The following GRIK4 variants were observed in gnomAD, a reference collection of about 807,000 sequenced individuals.
The protein encoded by GRIK4 is glutamate ionotropic receptor kainate type subunit 4, also known as glutamate receptor ionotropic, kainate 4.
A neutral mutation model predicts 104.9 loss-of-function variants in GRIK4; 40 were observed. That is an observed-to-expected ratio of 0.38 (90% CI 0.30 to 0.50). The LOEUF is 0.50. GRIK4 is among the 20% of genes least tolerant of loss of function. GRIK4 has a pLI of 0.93. For missense variants in GRIK4, 1,047 were observed against 1,308.1 expected (o/e 0.80, Z 3.08); for synonymous variants, 485 against 524.9 (o/e 0.92, Z 1.04).
chr11:120,801,488 A>T (rs769740146), intron 3 of GRIK4, among the ~76,000 whole-genome samples: 11 of 152,252 alleles, frequency 7.2e-5, no homozygotes, highest in Admixed American at 1.3e-4. Flanking sequence ...CAGCCTTCCA[A>T]AGTGTTGGGA....
chr11:120,783,589 G>T (rs1278365809), intron 3 of GRIK4, among the ~76,000 whole-genome samples: 2 of 152,034 alleles, frequency 1.3e-5, no homozygotes, highest in Non-Finnish European at 2.9e-5. Context: ...AATTGCGTGG[G>T]CTCCACTAAA....
chr11:120,512,941 G>A (rs2136066878), intron 1 of GRIK4, among the ~76,000 whole-genome samples: 1 of 152,296 alleles, frequency 6.6e-6, no homozygotes, highest in Non-Finnish European at 1.5e-5. Flanking sequence ...GGGGCAATGC[G>A]GGCCGAGCCA....
intron 11 of GRIK4, among the ~76,000 whole-genome samples, chr11:120,890,079 C>G (rs1955240955): frequency 6.6e-6 from 1 of 152,172 alleles, no homozygotes; most frequent in Admixed American, 6.5e-5. Flanking sequence ...CTCCTGACTT[C>G]TGGCCGGCTG....
chr11:120,844,219 T>C (rs1195737579), intron 8 of GRIK4, among the ~76,000 whole-genome samples: 1 of 152,172 alleles, frequency 6.6e-6, no homozygotes, highest in East Asian at 1.9e-4. Context: ...TTTCACTCCT[T>C]GCTTTGGTGA....
intron 3 of GRIK4, among the ~76,000 whole-genome samples, chr11:120,768,676 T>C (rs1361994052): frequency 1.3e-5 from 2 of 152,198 alleles, no homozygotes; most frequent in Non-Finnish European, 2.9e-5. Flanking sequence ...TAGCTATGGG[T>C]TTTTAATACA....
chr11:120,606,576 G>GTATTAAGTA (rs1948966124), intron 1 of GRIK4, among the ~76,000 whole-genome samples: 2 of 152,210 alleles, frequency 1.3e-5, no homozygotes, highest in Admixed American at 1.3e-4. Context: ...GGCAACTGAG[G>GTATTAAGTA]TTTAAGAAGC....
intron 3 of GRIK4, among the ~76,000 whole-genome samples, chr11:120,694,207 C>A (rs547089828): frequency 6.6e-6 from 1 of 152,116 alleles, no homozygotes; most frequent in African/African-American, 2.4e-5. Flanking sequence ...ACAGAAAGCA[C>A]GAGAGCAGAT....
chr11:120,913,482 A>C (rs991379895), intron 13 of GRIK4, among the ~76,000 whole-genome samples: 1 of 151,468 alleles, frequency 6.6e-6, no homozygotes, highest in Non-Finnish European at 1.5e-5. Flanking sequence ...TGCATTTTCC[A>C]TCCTCAGGGC....
At chr11:120,957,496 T>C (rs764915416) in intron 16 of GRIK4, among the ~76,000 whole-genome samples, 3 of 152,084 alleles carry the variant, frequency 2.0e-5, no homozygotes, top group Non-Finnish European at 4.4e-5. Context: ...ATTCAATGTG[T>C]GGGAAAGCTC....
intron 1 of GRIK4, among the ~76,000 whole-genome samples, chr11:120,518,541 T>C (rs761047488): frequency 6.6e-6 from 1 of 152,128 alleles, no homozygotes; most frequent in Admixed American, 6.5e-5. Context: ...TTTAAGTCAC[T>C]TGTCCAAGCA....
chr11:120,571,959 G>C (rs1039406071), intron 1 of GRIK4, among the ~76,000 whole-genome samples: 1 of 152,228 alleles, frequency 6.6e-6, no homozygotes, highest in Admixed American at 6.5e-5. Context: ...TCCTGTCTAT[G>C]TCAGCTGGAG....
At chr11:120,517,374 A>G (rs1947742185) in intron 1 of GRIK4, among the ~76,000 whole-genome samples, 1 of 148,676 alleles carries the variant, frequency 6.7e-6, no homozygotes, top group Non-Finnish European at 1.5e-5. Context: ...CCTTGGTGCG[A>G]TCCTCTCCTG....
intron 20 of GRIK4, among the ~76,000 whole-genome samples, chr11:120,983,346 C>T (rs1944683777): frequency 6.6e-6 from 1 of 152,202 alleles, no homozygotes; most frequent in African/African-American, 2.4e-5. Context: ...TCTCCATCAC[C>T]TCACTCCCGA....
intron 3 of GRIK4, among the ~76,000 whole-genome samples, chr11:120,732,263 C>G (rs1951145081): frequency 6.6e-6 from 1 of 152,160 alleles, no homozygotes; most frequent in Non-Finnish European, 1.5e-5. Flanking sequence ...TCCCAAGTAG[C>G]TGGGACTACA....
chr11:120,764,047 C>T (rs963252976), intron 3 of GRIK4, among the ~76,000 whole-genome samples: 2 of 151,938 alleles, frequency 1.3e-5, no homozygotes, highest in African/African-American at 2.4e-5. Context: ...AGTGGAGTGT[C>T]GAAGTCTCCC....
Position 120,891,310 on chromosome 11 carries a change from T to A in GRIK4, c.1165-7222T>A, listed in dbSNP as rs546201551. Among the ~76,000 whole-genome samples, 6 of 152,322 alleles carry A rather than the reference T, an allele frequency of 3.9e-5. No individual in the cohort carries two copies. In the South Asian group the frequency reaches 1.2e-3, roughly 32 times the overall value. ...TGGCAAAGTTCATTTCATCCCTGCT[T>A]ACACACCAGGCACTGTGCTATGCCC... On this transcript the variant is annotated intron_variant, in intron 11 of 20. Transcript: ENST00000527524.
At position 120,642,701 on chromosome 11, in the gene GRIK4, C is replaced by T. The variant is rs1016025522; in HGVS notation, c.-158-10984C>T. Among the ~76,000 whole-genome samples, 7 of 152,258 alleles carry T rather than the reference C, an allele frequency of 4.6e-5. No homozygotes were observed. The East Asian group carries it at 9.6e-4, about 21-fold the overall frequency. Reference sequence around the variant, plus strand: ...GCAGAGCCTGGCATCCTGCCTTCAGCGGGGCTCAGCCACGGCCAGCAGCGG... The same window carrying T: ...GCAGAGCCTGGCATCCTGCCTTCAGTGGGGCTCAGCCACGGCCAGCAGCGG... On this transcript the variant is annotated intron_variant, in intron 1 of 20. Transcript: ENST00000527524.
intron 11 of GRIK4, among the ~76,000 whole-genome samples, chr11:120,890,098 C>A (rs1955241785): frequency 6.6e-6 from 1 of 152,162 alleles, no homozygotes; most frequent in Non-Finnish European, 1.5e-5. Flanking sequence ...TGCATTCCCA[C>A]CAAATATACA....
At chr11:120,803,284 G>A (rs1485207515) in intron 4 of GRIK4, among the ~76,000 whole-genome samples, 1 of 152,104 alleles carries the variant, frequency 6.6e-6, no homozygotes, top group Non-Finnish European at 1.5e-5. Context: ...CTGGGACTTG[G>A]GATGGAATTT....
Sources: allele counts gnomAD v4.1 joint callset (sites outside exome capture counted in the v4.1 genomes callset), GRCh38; gene constraint gnomAD v4.1.1; transcripts MANE v1.5; gene names NCBI Gene and HGNC (gene_info 2026-07-23, HGNC 2026-07-21).